The following ELMO1 variants were observed in gnomAD, a reference collection of about 807,000 sequenced individuals.
The protein encoded by ELMO1 is engulfment and cell motility 1, also known as engulfment and cell motility protein 1.
A neutral mutation model predicts 98.9 loss-of-function variants in ELMO1; 26 were observed. The ratio of observed to expected loss-of-function variants is 0.26; its 90% CI spans 0.19 to 0.36. The LOEUF (loss-of-function observed/expected upper bound fraction) is 0.36. Ranked by LOEUF, ELMO1 falls within the 10% of genes least tolerant of loss-of-function variation. ELMO1 has a pLI of 1.00. For synonymous variants in ELMO1, 346 were observed against 346.0 expected (o/e 1.00, Z 0.00); for missense variants, 627 against 935.2 (o/e 0.67, Z 4.30).
At chr7:37,180,795 T>A (rs1302745565) in intron 13 of ELMO1, among the ~76,000 whole-genome samples, 24 of 133,240 alleles carry the variant, frequency 1.8e-4, no homozygotes, top group Non-Finnish European at 1.6e-5. Flanking sequence ...CATATGCACA[T>A]ATGCACACAC....
At chr7:37,374,788 C>T (rs535929956) in intron 1 of ELMO1, among the ~76,000 whole-genome samples, 10 of 147,740 alleles carry the variant, frequency 6.8e-5, no homozygotes, top group South Asian at 6.6e-4. Context: ...CTTGGCTGGG[C>T]GCAGTGGCTC....
rs879007286 is a variant in ELMO1, at chr7:36,972,295, C to T, written c.1437+41004G>A. On this transcript the variant is annotated intron_variant, in intron 16 of 21. Transcript: ENST00000310758. ...GAGATAACAACTCGTATCCTGATGA[C>T]CCATGCCATGTCGCAATTTCAAAAC... Among the ~76,000 whole-genome samples, 7 of 152,304 alleles carry T rather than the reference C, an allele frequency of 4.6e-5. No individual in the cohort carries two copies. The East Asian group carries it at 1.2e-3, about 25-fold the overall frequency.
chr7:37,439,430 A>G (rs1478777024), intron 1 of ELMO1, among the ~76,000 whole-genome samples: 1 of 152,178 alleles, frequency 6.6e-6, no homozygotes, highest in African/African-American at 2.4e-5. Flanking sequence ...AATCACGGTA[A>G]ACATACCTTT....
At chr7:37,161,339 C>A (rs1020443253) in intron 13 of ELMO1, among the ~76,000 whole-genome samples, 16 of 152,310 alleles carry the variant, frequency 1.1e-4, no homozygotes, top group Admixed American at 1.0e-3. Context: ...TCTGAGCCCA[C>A]ACTTATCTTG....
At chr7:37,370,955 G>A (rs1016762320) in intron 1 of ELMO1, among the ~76,000 whole-genome samples, 3 of 152,168 alleles carry the variant, frequency 2.0e-5, no homozygotes, top group African/African-American at 4.8e-5. Flanking sequence ...CACTAAGAGA[G>A]ATGGACAAAA....
intron 13 of ELMO1, among the ~76,000 whole-genome samples, chr7:37,172,603 T>C (rs1424593633): frequency 6.6e-6 from 1 of 152,178 alleles, no homozygotes; most frequent in Non-Finnish European, 1.5e-5. Context: ...TAAGCTACTA[T>C]CAGAAGGTAC....
intron 1 of ELMO1, among the ~76,000 whole-genome samples, chr7:37,395,447 C>A (rs1365580939): frequency 6.7e-6 from 1 of 149,668 alleles, no homozygotes; most frequent in Non-Finnish European, 1.5e-5. Context: ...CTTCCCTAAT[C>A]ATTTCCAGTA....
chr7:37,129,412 C>T (rs758067279), intron 14 of ELMO1, among the ~76,000 whole-genome samples: 2 of 152,076 alleles, frequency 1.3e-5, no homozygotes, highest in African/African-American at 4.8e-5. Flanking sequence ...GTGATGTCTA[C>T]GTGGGTCTCA....
intron 16 of ELMO1, among the ~76,000 whole-genome samples, chr7:36,904,499 C>T (rs1783815596): frequency 1.3e-5 from 2 of 152,190 alleles, no homozygotes; most frequent in Admixed American, 6.5e-5. Context: ...TATGCAATGT[C>T]TTACCCTGCA....
At chr7:37,037,552 G>C (rs1795261129) in intron 15 of ELMO1, among the ~76,000 whole-genome samples, 1 of 152,184 alleles carries the variant, frequency 6.6e-6, no homozygotes, top group Non-Finnish European at 1.5e-5. Context: ...GAGCACACTG[G>C]GCACAGGTTT....
At chr7:37,332,244 G>GCAAA in intron 2 of ELMO1, among the ~76,000 whole-genome samples, 1 of 152,224 alleles carries the variant, frequency 6.6e-6, no homozygotes, top group East Asian at 1.9e-4. Context: ...AATACATGGT[G>GCAAA]CAAACAAGGC....
intron 17 of ELMO1, among the ~76,000 whole-genome samples, chr7:36,892,155 T>A (rs1243120837): frequency 6.6e-6 from 1 of 152,202 alleles, no homozygotes; most frequent in Non-Finnish European, 1.5e-5. Flanking sequence ...CAACAGGGTG[T>A]ATTGCTCAAG....
At chr7:37,153,032 G>A (rs1788469909) in intron 13 of ELMO1, among the ~76,000 whole-genome samples, 2 of 152,090 alleles carry the variant, frequency 1.3e-5, no homozygotes, top group Admixed American at 1.3e-4. Context: ...GTGAGGGGCA[G>A]GAAAAGCTGG....
intron 1 of ELMO1, among the ~76,000 whole-genome samples, chr7:37,411,041 C>T (rs1478502245): frequency 2.0e-5 from 3 of 152,132 alleles, no homozygotes; most frequent in South Asian, 2.1e-4. Flanking sequence ...ATAATAAAAC[C>T]CGGAACAGCA....
At chr7:37,040,731 A>T (rs1455788241) in intron 15 of ELMO1, among the ~76,000 whole-genome samples, 1 of 152,178 alleles carries the variant, frequency 6.6e-6, no homozygotes, top group Non-Finnish European at 1.5e-5. Context: ...GGTGGGTATA[A>T]GCAGCAAATG....
chr7:37,108,291 G>C (rs1045029260), intron 14 of ELMO1, among the ~76,000 whole-genome samples: 1 of 152,024 alleles, frequency 6.6e-6, no homozygotes, highest in Non-Finnish European at 1.5e-5. Context: ...CCCAGACATG[G>C]CTCCCTCCTA....
intron 16 of ELMO1, among the ~76,000 whole-genome samples, chr7:36,914,963 T>C (rs1784588058): frequency 6.6e-6 from 1 of 151,572 alleles, no homozygotes; most frequent in African/African-American, 2.4e-5. Flanking sequence ...CAGTTTTTTG[T>C]TTGTTTAAGA....
intron 13 of ELMO1, among the ~76,000 whole-genome samples, chr7:37,187,203 G>A (rs1412166025): frequency 6.6e-6 from 1 of 152,158 alleles, no homozygotes; most frequent in Non-Finnish European, 1.5e-5. Context: ...AAAGAAGCCA[G>A]TAACAAAAGA....
chr7:37,362,305 G>A (rs1163134815), intron 1 of ELMO1, among the ~76,000 whole-genome samples: 1 of 151,998 alleles, frequency 6.6e-6, no homozygotes, highest in Non-Finnish European at 1.5e-5. Context: ...TCTAGGTATT[G>A]AGCACAAGAC....
Sources: gnomAD v4.1 joint callset for allele counts (sites outside exome capture counted in the v4.1 genomes callset) on GRCh38, gnomAD v4.1.1 for gene constraint, MANE v1.5 for transcripts, NCBI Gene and HGNC (gene_info 2026-07-23, HGNC 2026-07-21) for gene names.